The following WDR86 variants were observed in gnomAD, a reference collection of about 807,000 sequenced individuals.
The protein encoded by WDR86 is WD repeat domain 86, also known as WD repeat-containing protein 86.
WDR86 carries 30 observed loss-of-function variants against 36.5 expected under a neutral mutation model. That is an observed-to-expected ratio of 0.82 (90% CI 0.61 to 1.11). The LOEUF is 1.11. Ranked by LOEUF, WDR86 falls within the 50% of genes most tolerant of loss-of-function variation. The pLI, the probability that WDR86 is intolerant of heterozygous loss-of-function variation, is 0.00. For missense variants in WDR86, 545 were observed against 561.2 expected (o/e 0.97, Z 0.29); for synonymous variants, 255 against 252.9 (o/e 1.01, Z -0.08).
At chr7:151,375,791 G>C (rs1798188928), downstream of WDR86, 1 of 1,173,478 alleles carries the variant, frequency 8.5e-7, no homozygotes, top group South Asian at 1.2e-5. Flanking sequence ...TGCAGCGCCT[G>C]TCTGAATGTG....
In WDR86 at chr7:151,390,107, T is replaced by C. The variant is rs566531658; in HGVS notation, c.727-4884A>G. ...TCCAAATGCAAGAGAGCGTGGGGTG[T>C]AATGGCCAGCCCTGGTGCCACGAAC... On this transcript the variant is annotated intron_variant, in intron 3 of 5. Transcript: ENST00000334493. The surrounding 1 kb of genome is among the most constrained non-coding windows in gnomAD (Gnocchi z 4.5). Among the ~76,000 whole-genome samples the C allele has an allele frequency of 3.9e-5, 6 of 152,092 alleles. No homozygotes were observed. In the South Asian group the frequency reaches 1.2e-3, roughly 32 times the overall value.
intron 4 of WDR86, among the ~76,000 whole-genome samples, chr7:151,383,922 C>T (rs113481862): frequency 1.8e-4 from 27 of 152,344 alleles, no homozygotes; most frequent in African/African-American, 5.0e-4. Context: ...AGGCGGCCGC[C>T]GGCCAGAGCC....
chr7:151,400,335 G>C, intron 1 of WDR86, 94 bp from the exon 2 acceptor site: 1 of 1,322,496 alleles, frequency 7.6e-7, no homozygotes, highest in Non-Finnish European at 1.0e-6. Context: ...AAGAAAGCAG[G>C]ATGTAGGGAG....
At chr7:151,396,221 G>A in intron 2 of WDR86, 25 bp from the exon 3 acceptor site, 1 of 1,612,462 alleles carries the variant, frequency 6.2e-7, no homozygotes, top group Non-Finnish European at 8.5e-7. Flanking sequence ...GAAGGGGTCA[G>A]GGATCAGAAG....
chr7:151,393,084 G>C (rs1799550542), intron 3 of WDR86, among the ~76,000 whole-genome samples: 1 of 152,222 alleles, frequency 6.6e-6, no homozygotes, highest in African/African-American at 2.4e-5. Flanking sequence ...CAAAGGCACA[G>C]TCCATAGCCA....
In WDR86 at chr7:151,405,047, G is replaced by C. The variant is rs1221075760; in HGVS notation, c.163+4380C>G. Among the ~76,000 whole-genome samples, 3 of 152,166 alleles carry C rather than the reference G, an allele frequency of 2.0e-5. No individual in the cohort carries two copies. The highest frequency in any genetic ancestry group is 7.2e-5 in the African/African-American group (3 of 41,454). On this transcript the variant is annotated intron_variant, in intron 1 of 5. Transcript: ENST00000334493. The surrounding 1 kb of genome is among the most constrained non-coding windows in gnomAD (Gnocchi z 4.7). ...GTTTGCTCCAGCCCTTGTAGCACAA[G>C]GGTTATTTTCACCTGTGGGGGAGGC... is the stretch of plus-strand genomic sequence containing the variant.
intron 3 of WDR86, among the ~76,000 whole-genome samples, chr7:151,394,990 C>A (rs1585022663): frequency 6.9e-6 from 1 of 145,672 alleles, no homozygotes; most frequent in Non-Finnish European, 1.5e-5. Context: ...TAAGAAGGGG[C>A]GTAATCCTCC....
At chr7:151,400,318 A>T in intron 1 of WDR86, 77 bp from the exon 2 acceptor site, 2 of 1,409,952 alleles carry the variant, frequency 1.4e-6, no homozygotes, top group Non-Finnish European at 1.9e-6. Flanking sequence ...ACAATGTTTG[A>T]AAAGGGAAGA....
At chr7:151,376,904 A>G (rs996286957), downstream of WDR86, 1 of 1,457,022 alleles carries the variant, frequency 6.9e-7, no homozygotes, top group South Asian at 1.4e-5. Context: ...GTGGAGACTG[A>G]GGGGGCGTCC....
Position 151,381,954 on chromosome 7 carries a change from G to C in WDR86, c.890C>G (p.Ala297Gly). The change falls in exon 5 of 6, where the codon GCC (alanine) becomes GGC (glycine). Residue 297 changes from alanine (A) to glycine (G), a missense_variant. Coordinates refer to ENST00000334493, the MANE Select transcript of WDR86 (RefSeq NM_198285.3). This position sits in a 1 kb window ranked among gnomAD's most constrained non-coding sequence, Gnocchi z 4.8. ...TCCAGACTGCGCGTCGAAGGCCCGGGCGCAAGCGTCCCCGCTGCCCGTGAA... is the reference window on the plus strand; with the variant it reads ...TCCAGACTGCGCGTCGAAGGCCCGGCCGCAAGCGTCCCCGCTGCCCGTGAA... Reference protein sequence around the residue: ...TLFTGSGDACARAFDAQSGEL... With the variant: ...TLFTGSGDACGRAFDAQSGEL... 6.2e-7 allele frequency: 1 copy of C among 1,607,244 alleles called. No homozygotes were observed. The highest frequency in any genetic ancestry group is 8.5e-7 in the Non-Finnish European group (1 of 1,177,560).
At chr7:151,408,199 CTTTTTT>C (rs1029293163) in intron 1 of WDR86, among the ~76,000 whole-genome samples, 1 of 116,076 alleles carries the variant, frequency 8.6e-6, no homozygotes, top group African/African-American at 3.5e-5. Flanking sequence ...CTTTTCTTTT[CTTTTTT>C]TTTTTTTTTT....
At chr7:151,410,632 T>C (rs1445533685), upstream of WDR86, 1 of 152,180 alleles carries the variant, frequency 6.6e-6, no homozygotes, top group Non-Finnish European at 1.5e-5. Context: ...GGGGCGCCTC[T>C]AATGGACCCC....
downstream of WDR86, among the ~76,000 whole-genome samples, chr7:151,379,777 G>GAGAT (rs1400915517): frequency 1.3e-5 from 2 of 152,218 alleles, no homozygotes; most frequent in African/African-American, 2.4e-5. Context: ...CTGCTGTGGG[G>GAGAT]AGATAAGGTG....
chr7:151,408,863 G>GTC (rs1410947936), intron 1 of WDR86: 1 of 467,548 alleles, frequency 2.1e-6, no homozygotes, highest in African/African-American at 2.0e-5. Context: ...ACCCCTCACT[G>GTC]GCTGTGCGAC....
At chr7:151,380,570 A>G (rs552133629), downstream of WDR86, among the ~76,000 whole-genome samples, 26 of 152,092 alleles carry the variant, frequency 1.7e-4, no homozygotes, top group Middle Eastern at 3.4e-3. Flanking sequence ...TGGCACCATC[A>G]AGGGACTGAA....
At chr7:151,383,891 G>A (rs1480191967) in intron 4 of WDR86, among the ~76,000 whole-genome samples, 8 of 152,236 alleles carry the variant, frequency 5.3e-5, no homozygotes, top group African/African-American at 1.9e-4. Context: ...TCCATGCCCC[G>A]GCTGCACGGG....
intron 3 of WDR86, among the ~76,000 whole-genome samples, chr7:151,386,502 C>T (rs539028715): frequency 1.3e-5 from 2 of 152,278 alleles, no homozygotes; most frequent in Non-Finnish European, 2.9e-5. Context: ...CGGTGGGCCC[C>T]AGCCCAGGCA....
Position 151,409,253 on chromosome 7 carries a change from G to T in WDR86, c.163+174C>A. 8.8e-7 allele frequency: 1 copy of T among 1,142,464 alleles called. No individual in the cohort carries two copies. Among genetic ancestry groups the T allele is most frequent in the Non-Finnish European group, 1.2e-6 (1 of 801,240 alleles). 70.8% of individuals were successfully genotyped at this position (1,142,464 alleles called of 1,614,324 possible). On this transcript the variant is annotated intron_variant, in intron 1 of 5. Transcript: ENST00000334493. The surrounding 1 kb of genome is among the most constrained non-coding windows in gnomAD (Gnocchi z 5.2). ...CCACCCCCAGACCTCACCCTGCCCT[G>T]CCGTGCGCTCAACAGCCAGATGCTG...
At chr7:151,399,699 A>G (rs968022563) in intron 2 of WDR86, among the ~76,000 whole-genome samples, 6 of 152,232 alleles carry the variant, frequency 3.9e-5, no homozygotes, top group Non-Finnish European at 8.8e-5. Flanking sequence ...CCGTCTTCGG[A>G]ACAATCCCCC....
Sources: gnomAD v4.1 joint callset for allele counts (sites outside exome capture counted in the v4.1 genomes callset) on GRCh38, gnomAD v4.1.1 for gene constraint, Gnocchi (gnomAD v3.1) non-coding constraint, MANE v1.5 for transcripts, NCBI Gene and HGNC (gene_info 2026-07-23, HGNC 2026-07-21) for gene names.